Variants in MST1R observed in about 807,000 individuals in gnomAD.
The protein encoded by MST1R is macrophage stimulating 1 receptor.
MST1R carries 99 observed loss-of-function variants against 117.8 expected under a neutral mutation model. The observed-to-expected ratio is 0.84, with a 90% CI of 0.71 to 0.99. MST1R has a LOEUF of 0.99. MST1R is among the 50% of genes least tolerant of loss of function. The pLI, the probability that MST1R is intolerant of heterozygous loss-of-function variation, is 0.00. For missense variants in MST1R, 1,683 were observed against 1,840.2 expected, an observed-to-expected ratio of 0.91 and a Z score of 1.56; for synonymous variants, 734 against 765.3, an observed-to-expected ratio of 0.96 and a Z score of 0.68.
chr3:49,900,649 G>A (rs369035953), intron 1 of MST1R, among the ~76,000 whole-genome samples: 5 of 152,170 alleles, frequency 3.3e-5, no homozygotes, highest in East Asian at 3.8e-4. Flanking sequence ...GCAGGAAATC[G>A]GCTTGGCTTG....
chr3:49,903,272 C>A lies in MST1R; in HGVS notation c.338G>T (p.Gly113Val). 1 of 1,610,472 alleles carries A rather than the reference C, an allele frequency of 6.2e-7. No homozygotes were observed. The highest frequency in any genetic ancestry group is 8.5e-7 in the Non-Finnish European group (1 of 1,179,952). ...TCAACGPGPH[G>V]PPGDTDTKVL... ...CTTTGTGTCTGTGTCACCGGGAGGG[C>A]CGTGGGGTCCTGGGCCACAGGCTGC... Residue 113 changes from glycine (G) to valine (V), a missense_variant, in exon 1 of 20, where the codon GGC (glycine) becomes GTC (valine). Transcript: ENST00000296474.
At chr3:49,889,774 G>A in intron 19 of MST1R, 150 bp downstream of exon 19, 1 of 934,688 alleles carries the variant, frequency 1.1e-6, no homozygotes, top group Non-Finnish European at 1.6e-6. Context: ...GGTGGGACCA[G>A]TTCACAGATG....
In MST1R at chr3:49,903,014, A is replaced by G. The variant is rs1330718534; in HGVS notation, c.596T>C (p.Val199Ala). The change falls in exon 1 of 20, where the codon GTG becomes GCG. Residue 199 changes from valine (V) to alanine (A), a missense_variant. Coordinates refer to ENST00000296474, the MANE Select transcript of MST1R (RefSeq NM_002447.4). ...VEQGQASYFY[V>A]ASSLDAAVAA... Reference sequence around the variant, plus strand: ...CACGGCTGCGTCCAGTGAGGATGCCACGTAGAAATAGGAGGCCTGGCCTTG... The same window carrying G: ...CACGGCTGCGTCCAGTGAGGATGCCGCGTAGAAATAGGAGGCCTGGCCTTG... The G allele has an allele frequency of 6.2e-7, 1 of 1,612,920 alleles. No individual in the cohort carries two copies. The highest frequency in any genetic ancestry group is 1.7e-5 in the Admixed American group (1 of 60,032).
chr3:49,900,115 T>C (rs1470723533), intron 1 of MST1R, among the ~76,000 whole-genome samples: 3 of 152,258 alleles, frequency 2.0e-5, no homozygotes, highest in South Asian at 4.1e-4. Context: ...CAGCACAAGG[T>C]TGGGGACATG....
At chr3:49,898,378 C>T (rs1053035658) in intron 4 of MST1R, 140 bp downstream of exon 4, 4 of 1,339,188 alleles carry the variant, frequency 3.0e-6, no homozygotes, top group African/African-American at 2.9e-5. Flanking sequence ...CATGTGGCAT[C>T]CCCTCTGACA....
chr3:49,888,502 T>C (rs2108359709), intron 19 of MST1R, among the ~76,000 whole-genome samples: 1 of 149,980 alleles, frequency 6.7e-6, no homozygotes, highest in African/African-American at 2.5e-5. Context: ...CTCAGGAGGC[T>C]GAGGTAGGAG....
intron 1 of MST1R, among the ~76,000 whole-genome samples, chr3:49,900,874 C>A (rs2082653671): frequency 6.6e-6 from 1 of 152,214 alleles, no homozygotes; most frequent in Admixed American, 6.5e-5. Context: ...GGCACCAGCT[C>A]TGAGTCCCTC....
At position 49,903,067 on chromosome 3, in the gene MST1R, T is replaced by C. The variant is rs776615040; in HGVS notation, c.543A>G (p.Pro181=). 2.5e-6 allele frequency: 4 copies of C among 1,609,738 alleles called. No homozygotes were observed. Among genetic ancestry groups the C allele is most frequent in the Non-Finnish European group, 3.4e-6 (4 of 1,179,988 alleles). ...PDDCPDCVAS[P]LGTRVTVVEQ... Reference sequence around the variant, plus strand: ...CAACCACAGTTACACGGGTGCCCAATGGGCTGGCCACACAGTCGGGGCAGT... The same window carrying C: ...CAACCACAGTTACACGGGTGCCCAACGGGCTGGCCACACAGTCGGGGCAGT... The change falls in exon 1 of 20, where the codon CCA becomes CCG. Residue 181 remains proline (P), a synonymous_variant. Transcript: ENST00000296474.
chr3:49,891,105 G>C, intron 17 of MST1R, 92 bp downstream of exon 17: 2 of 1,108,680 alleles, frequency 1.8e-6, no homozygotes, highest in East Asian at 2.4e-5. Context: ...GGAGGACAAG[G>C]CTGGAGTGGG....
Position 49,903,718 on chromosome 3 carries a change from C to T in MST1R, c.-109G>A. 7.1e-7 allele frequency: 1 copy of T among 1,409,228 alleles called. No homozygotes were observed. The highest frequency in any genetic ancestry group is 2.4e-4 in the Middle Eastern group (1 of 4,166). 87.3% of individuals were successfully genotyped at this position (1,409,228 alleles called of 1,614,324 possible). On this transcript the variant is annotated 5_prime_UTR_variant, in exon 1 of 20. Transcript: ENST00000296474. ...TCTGGACTGGGCCAAATTTAAGCAG[C>T]GGTCCCGACAGCCCCAAGATAGCGG...
At chr3:49,894,457 C>T (rs2082407002) in intron 14 of MST1R, among the ~76,000 whole-genome samples, 1 of 151,276 alleles carries the variant, frequency 6.6e-6, no homozygotes, top group African/African-American at 2.4e-5. Flanking sequence ...ATCCCAGCTA[C>T]TCAGGAGGCT....
At position 49,889,941 on chromosome 3, in the gene MST1R, C is replaced by T. The variant is rs755357657; in HGVS notation, c.3930G>A (p.Glu1310=). ...ATACTCACAGAGAATCAGGGCAATACTCAGGCTGGGGCAGGCGCCGACCCT... is the reference window on the plus strand; with the variant it reads ...ATACTCACAGAGAATCAGGGCAATATTCAGGCTGGGGCAGGCGCCGACCCT... ...LAQGRRLPQP[E]YCPDSLYQVM... The change falls in exon 19 of 20, where the codon GAG becomes GAA. Residue 1310 remains glutamate (E), a synonymous_variant. Coordinates refer to ENST00000296474, the MANE Select transcript of MST1R (RefSeq NM_002447.4). 4 of 1,614,052 alleles carry T rather than the reference C, an allele frequency of 2.5e-6. No homozygotes were observed. Among genetic ancestry groups the T allele is most frequent in the South Asian group, 1.1e-5 (1 of 91,084 alleles).
chr3:49,898,016 C>A, intron 5 of MST1R, 35 bp downstream of exon 5: 1 of 1,613,664 alleles, frequency 6.2e-7, no homozygotes, highest in Non-Finnish European at 8.5e-7. Context: ...TGGTTTCCCC[C>A]TTCAGGGAAA....
chr3:49,898,811 T>C (rs2082569336), intron 3 of MST1R, 56 bp downstream of exon 3: 4 of 1,610,970 alleles, frequency 2.5e-6, no homozygotes, highest in Non-Finnish European at 3.4e-6. Flanking sequence ...CTGGATTGGA[T>C]GGAGAGTCTG....
Position 49,891,462 on chromosome 3 carries a change from G to A in MST1R, c.3471C>T (p.Pro1157=). 1 of 1,614,024 alleles carries A rather than the reference G, an allele frequency of 6.2e-7. No individual in the cohort carries two copies. The highest frequency in any genetic ancestry group is 8.5e-7 in the Non-Finnish European group (1 of 1,180,040). The change falls in exon 16 of 20, where the codon CCC becomes CCT. Residue 1157 remains proline, a synonymous_variant. Coordinates refer to ENST00000296474, the MANE Select transcript of MST1R (RefSeq NM_002447.4). ...GGCACATATAGGGCAGCAGCACATG[G>A]GGCAGGCCCTCAGGTGGCAACATGA... The part of the protein sequence containing the change: ...IGIMLPPEGL[P]HVLLPYMCHG...
chr3:49,895,107 G>A (rs1367246563), intron 14 of MST1R, 60 bp downstream of exon 14: 1 of 1,589,738 alleles, frequency 6.3e-7, no homozygotes, highest in East Asian at 2.2e-5. Context: ...CACCACGCCT[G>A]GCCTAGCCTA....
Position 49,891,403 on chromosome 3 carries a change from T to C in MST1R, c.3530A>G (p.Gln1177Arg). 1 of 1,613,928 alleles carries C rather than the reference T, an allele frequency of 6.2e-7. No homozygotes were observed. The highest frequency in any genetic ancestry group is 1.1e-5 in the South Asian group (1 of 91,086). Reference sequence around the variant, plus strand: ...CAGAGCCAGATGAACACTGACCCGCTGAGGTGAGCGGATGAACTGGAGCAG... The same window carrying C: ...CAGAGCCAGATGAACACTGACCCGCCGAGGTGAGCGGATGAACTGGAGCAG... Reference protein sequence around the residue: ...GDLLQFIRSPQRNPTVKDLIS... With the variant: ...GDLLQFIRSPRRNPTVKDLIS... Residue 1177 changes from glutamine to arginine, a missense_variant, in exon 16 of 20, where the codon CAG becomes CGG. Coordinates refer to ENST00000296474, the MANE Select transcript of MST1R (RefSeq NM_002447.4).
Position 49,898,860 on chromosome 3 carries a change from A to G in MST1R, c.1548+7T>C, listed in dbSNP as rs748951568. The G allele has an allele frequency of 1.6e-5, 26 of 1,613,822 alleles. No individual in the cohort carries two copies. The East Asian group carries it at 5.6e-4, about 35-fold the overall frequency. On this transcript the variant is annotated splice_region_variant and intron_variant, in intron 3 of 19. Transcript: ENST00000296474. ...CTGGCCCCAGGCCCTGCCCCTGCCC[A>G]CCTCACCTGGTCCCCAGAGGCAAAG...
chr3:49,891,038 C>T (rs982670727), intron 17 of MST1R, among the ~76,000 whole-genome samples, 159 bp downstream of exon 17: 5 of 152,132 alleles, frequency 3.3e-5, no homozygotes, highest in African/African-American at 1.2e-4. Context: ...ATTTCAAAGC[C>T]ACAGTGTCCA....
Sources: gnomAD v4.1 joint callset for allele counts (sites outside exome capture counted in the v4.1 genomes callset) on GRCh38, gnomAD v4.1.1 for gene constraint, MANE v1.5 for transcripts, NCBI Gene and HGNC (gene_info 2026-07-23, HGNC 2026-07-21) for gene names.